Variants in SOBP observed in about 807,000 individuals in gnomAD.
The protein encoded by SOBP is sine oculis-binding protein homolog.
SOBP carries 4 observed loss-of-function variants against 53.6 expected under a neutral mutation model. That is an observed-to-expected ratio of 0.07 (90% CI 0.04 to 0.17). The LOEUF is 0.17. Among genes scored for constraint, SOBP ranks in the 10% least tolerant of loss-of-function variants. The probability of loss-of-function intolerance (pLI) is 1.00; values close to 1 mark genes in which losing one functional copy is unlikely to be tolerated. For missense variants in SOBP, 1,088 were observed against 1,204.7 expected (o/e 0.90, Z 1.43); for synonymous variants, 584 against 522.6 (o/e 1.12, Z -1.60).
chr6:107,646,850 T>C (rs1771581607), intron 6 of SOBP, among the ~76,000 whole-genome samples: 1 of 152,194 alleles, frequency 6.6e-6, no homozygotes. Context: ...CAGCTTGGGT[T>C]CGTATCCCAG....
At chr6:107,555,711 G>A (rs536662422) in intron 4 of SOBP, among the ~76,000 whole-genome samples, 2 of 152,348 alleles carry the variant, frequency 1.3e-5, no homozygotes, top group African/African-American at 4.8e-5. Flanking sequence ...TTAGTCACAT[G>A]ATTAAATTAA....
chr6:107,566,126 T>C (rs1784910355), intron 4 of SOBP, among the ~76,000 whole-genome samples: 1 of 152,262 alleles, frequency 6.6e-6, no homozygotes, highest in Non-Finnish European at 1.5e-5. Context: ...CTGACTTCAC[T>C]ATTAACTGAA....
intron 4 of SOBP, among the ~76,000 whole-genome samples, chr6:107,581,780 A>C (rs1049785220): frequency 6.6e-6 from 1 of 152,226 alleles, no homozygotes; most frequent in Non-Finnish European, 1.5e-5. Context: ...TCTGGTTCCA[A>C]CAATTAGTTA....
At chr6:107,522,399 G>A (rs1783536350) in intron 3 of SOBP, among the ~76,000 whole-genome samples, 1 of 152,132 alleles carries the variant, frequency 6.6e-6, no homozygotes, top group Non-Finnish European at 1.5e-5. Context: ...TGTAGTTTGG[G>A]CAAGAGGTAT....
At chr6:107,566,789 T>C (rs901351695) in intron 4 of SOBP, among the ~76,000 whole-genome samples, 7 of 152,202 alleles carry the variant, frequency 4.6e-5, no homozygotes, top group Admixed American at 1.3e-4. Context: ...CTTACGTTCC[T>C]GAGGGAGGAA....
intron 4 of SOBP, among the ~76,000 whole-genome samples, chr6:107,556,255 C>G (rs900420199): frequency 6.6e-6 from 1 of 152,164 alleles, no homozygotes; most frequent in Non-Finnish European, 1.5e-5. Flanking sequence ...AGTGGTTTGT[C>G]ATGTGTAAAA....
intron 4 of SOBP, among the ~76,000 whole-genome samples, chr6:107,542,049 AG>A (rs1231203285): frequency 6.6e-6 from 1 of 152,196 alleles, no homozygotes; most frequent in Non-Finnish European, 1.5e-5. Context: ...CAAGAGAAAA[AG>A]TCCCTGTCTT....
intron 3 of SOBP, among the ~76,000 whole-genome samples, chr6:107,507,347 C>A (rs938211078): frequency 1.3e-5 from 2 of 151,918 alleles, no homozygotes; most frequent in African/African-American, 4.8e-5. Context: ...CTCTTCTCAC[C>A]CAGGCTGGAG....
chr6:107,572,834 A>G (rs1447823189), intron 4 of SOBP, among the ~76,000 whole-genome samples: 1 of 152,232 alleles, frequency 6.6e-6, no homozygotes, highest in Non-Finnish European at 1.5e-5. Context: ...TGAAGTTAGT[A>G]GCTGGAAAAT....
At chr6:107,621,784 T>C (rs1160605606) in intron 5 of SOBP, among the ~76,000 whole-genome samples, 1 of 152,216 alleles carries the variant, frequency 6.6e-6, no homozygotes, top group African/African-American at 2.4e-5. Flanking sequence ...CATAGTGAGC[T>C]TAAGACCACA....
chr6:107,646,489 G>A (rs762483612), intron 6 of SOBP, among the ~76,000 whole-genome samples: 4 of 152,238 alleles, frequency 2.6e-5, no homozygotes, highest in Non-Finnish European at 5.9e-5. Context: ...CACAGAGGCA[G>A]GCCCTGGCTC....
At position 107,578,279 on chromosome 6, in the gene SOBP, ACT is replaced by A. The variant is rs528602562; in HGVS notation, c.574-8796_574-8795del. On this transcript the variant is annotated intron_variant, in intron 4 of 6. Transcript: ENST00000317357. ...CATTCTGTTATATTTGTCATTAAAC[ACT>A]CTCTTTTCCTAATTTTCTTGGTATA... 2.8e-3 allele frequency among the ~76,000 whole-genome samples: 419 copies of A among 150,076 alleles called. 1 individual carries two copies. The highest frequency in any genetic ancestry group is 3.0e-3 in the Non-Finnish European group (205 of 67,686).
chr6:107,531,730 C>T (rs1326584559), intron 3 of SOBP, among the ~76,000 whole-genome samples: 2 of 151,746 alleles, frequency 1.3e-5, no homozygotes, highest in South Asian at 2.1e-4. Context: ...CATATTATAC[C>T]ATTTAAAGAA....
intron 5 of SOBP, among the ~76,000 whole-genome samples, chr6:107,625,994 A>T (rs780458465): frequency 2.4e-4 from 37 of 152,236 alleles, no homozygotes; most frequent in Non-Finnish European, 4.9e-4. Context: ...TTAAACTCTT[A>T]TAGTCACAAA....
chr6:107,527,192 G>T (rs919232125), intron 3 of SOBP, among the ~76,000 whole-genome samples: 1 of 152,140 alleles, frequency 6.6e-6, no homozygotes, highest in Non-Finnish European at 1.5e-5. Context: ...ATCCACCCAT[G>T]TGTGGATAGT....
rs138657482 is a variant in SOBP, at chr6:107,574,508, G to A, written c.574-12572G>A. On this transcript the variant is annotated intron_variant, in intron 4 of 6. Coordinates refer to ENST00000317357, the MANE Select transcript of SOBP (RefSeq NM_018013.4). ...CTAAAGATCCCATAATCTTTCATTT[G>A]TGGGATGTGCACATGAAACTGGAAT... Among the ~76,000 whole-genome samples the A allele has an allele frequency of 5.3e-5, 8 of 152,228 alleles. No homozygotes were observed. The East Asian group carries it at 1.5e-3, about 29-fold the overall frequency.
chr6:107,501,602 G>A (rs115704994), intron 1 of SOBP, among the ~76,000 whole-genome samples: 12 of 152,112 alleles, frequency 7.9e-5, no homozygotes, highest in African/African-American at 2.6e-4. Context: ...TGTTTTTTTT[G>A]ATGAAAAGTA....
rs190527003 is a variant in SOBP, at chr6:107,560,855, C to T, written c.574-26225C>T. Among the ~76,000 whole-genome samples the T allele has an allele frequency of 7.8e-4, 118 of 152,246 alleles. 3 individuals carry two copies. In the East Asian group the frequency reaches 0.021, roughly 26 times the overall value. On this transcript the variant is annotated intron_variant, in intron 4 of 6. Transcript: ENST00000317357. ...TGCTTCTCATCTTGTCTCCTATTGA[C>T]GCAACTGAAATCTCTGGAAAAGCCC...
chr6:107,639,360 C>T (rs1051816852), intron 6 of SOBP, among the ~76,000 whole-genome samples: 1 of 152,026 alleles, frequency 6.6e-6, no homozygotes, highest in African/African-American at 2.4e-5. Context: ...GGAAATTATT[C>T]TGTTCCTGGT....
Sources: allele counts gnomAD v4.1 joint callset (sites outside exome capture counted in the v4.1 genomes callset), GRCh38; gene constraint gnomAD v4.1.1; transcripts MANE v1.5; gene names NCBI Gene and HGNC (gene_info 2026-07-23, HGNC 2026-07-21).